DUS2: variants seen among roughly 807,000 people sequenced by gnomAD.
DUS2 encodes tRNA-dihydrouridine(20) synthase [NAD(P)+]-like.
Under a neutral mutation model 71.3 loss-of-function variants are expected in DUS2, and 52 were observed. That is an observed-to-expected ratio of 0.73 (90% CI 0.58 to 0.92). The LOEUF is 0.92. DUS2 is among the 40% of genes least tolerant of loss of function. DUS2 has a pLI of 0.00. For synonymous variants in DUS2, 204 were observed against 227.8 expected (o/e 0.90, Z 0.94); for missense variants, 558 against 622.6 (o/e 0.90, Z 1.10).
chr16:68,054,209 G>T (rs2033818896), intron 5 of DUS2, among the ~76,000 whole-genome samples: 1 of 151,744 alleles, frequency 6.6e-6, no homozygotes, highest in Non-Finnish European at 1.5e-5. Flanking sequence ...GAATCTAAAT[G>T]GTGAGTGTTT....
rs76070113 is a variant in DUS2 at position 68,078,909 on chromosome 16, G to C, written c.1405G>C (p.Ala469Pro). The C allele has an allele frequency of 2.9e-4, 465 of 1,612,424 alleles. 5 individuals are homozygous for C. The East Asian group carries it at 0.01, about 35-fold the overall frequency. ...TGGGGGCCCCAGAGCTCAGGAGCTA[G>C]CACAACCTGGGGATCTGTGCAAGAA... Reference protein sequence around the residue: ...DPGGPRAQELAQPGDLCKKPF... With the variant: ...DPGGPRAQELPQPGDLCKKPF... The change falls in exon 17 of 17, where the codon GCA becomes CCA. Residue 469 changes from alanine (A) to proline (P), a missense_variant. Physicochemically the swap from Ala to Pro is conservative, Grantham distance 27. Transcript: ENST00000565263.
chr16:68,034,156 C>T (rs2151411151), intron 2 of DUS2, among the ~76,000 whole-genome samples: 1 of 152,230 alleles, frequency 6.6e-6, no homozygotes, highest in Admixed American at 6.5e-5. Context: ...GCAACCTCTG[C>T]CTCCCAGGCT....
chr16:68,068,195 C>T (rs558300909), intron 10 of DUS2, among the ~76,000 whole-genome samples: 1 of 152,294 alleles, frequency 6.6e-6, no homozygotes, highest in South Asian at 2.1e-4. Flanking sequence ...AGTGATGTTC[C>T]TTTGGGCTTA....
intron 10 of DUS2, among the ~76,000 whole-genome samples, chr16:68,067,056 C>CTCCCTCCCTTCCTTCCT (rs1477480795): frequency 9.7e-6 from 1 of 102,682 alleles, no homozygotes; most frequent in African/African-American, 3.9e-5. Context: ...CCTTCCCTCC[C>CTCCCTCCCTTCCTTCCT]TCCCTCCCTT....
chr16:68,053,482 G>A (rs1446660750), intron 4 of DUS2, 82 bp from the exon 5 acceptor site: 9 of 1,303,768 alleles, frequency 6.9e-6, no homozygotes, highest in Admixed American at 1.7e-5. Flanking sequence ...TTATACTCTG[G>A]CTGTGTTTTC....
chr16:68,035,682 C>A (rs1355760809), intron 2 of DUS2, among the ~76,000 whole-genome samples: 2 of 149,284 alleles, frequency 1.3e-5, no homozygotes, highest in African/African-American at 2.5e-5. Flanking sequence ...AGCCACCGTG[C>A]CTGGTCTCTC....
rs1326247983 is a variant in DUS2, at chr16:68,071,001, G to A, written c.703G>A (p.Ala235Thr). ...SDIEDFRQAT[A>T]ASSVMVARAA... is the part of the protein sequence containing the mutation. Reference sequence around the variant, plus strand: ...CATAGAGGACTTTCGACAAGCCACGGCAGCCTCTTCCGTGATGGTGGCCCG... The same window carrying A: ...CATAGAGGACTTTCGACAAGCCACGACAGCCTCTTCCGTGATGGTGGCCCG... Residue 235 changes from alanine (A) to threonine (T), a missense_variant, in exon 12 of 17, where the codon GCA (alanine) becomes ACA (threonine). Ala to Thr is a moderately conservative substitution (Grantham distance 58, BLOSUM62 0). Coordinates refer to ENST00000565263, the MANE Select transcript of DUS2 (RefSeq NM_017803.5). 5.6e-6 allele frequency: 9 copies of A among 1,614,078 alleles called. No homozygotes were observed. Among genetic ancestry groups the A allele is most frequent in the Non-Finnish European group, 7.6e-6 (9 of 1,180,042 alleles).
At chr16:68,058,439 G>A (rs2033892835) in intron 7 of DUS2, among the ~76,000 whole-genome samples, 1 of 152,016 alleles carries the variant, frequency 6.6e-6, no homozygotes, top group Non-Finnish European at 1.5e-5. Flanking sequence ...TGTTAGCCAG[G>A]CTGGTCTTGA....
chr16:68,042,351 C>T (rs1034738848), intron 3 of DUS2, among the ~76,000 whole-genome samples: 2 of 152,044 alleles, frequency 1.3e-5, no homozygotes, highest in Non-Finnish European at 2.9e-5. Context: ...TCTTTGAGAC[C>T]CTGCTTTTAA....
chr16:68,076,792 T>C, intron 15 of DUS2, 73 bp downstream of exon 15: 1 of 1,392,364 alleles, frequency 7.2e-7, no homozygotes, highest in Non-Finnish European at 1.0e-6. Flanking sequence ...AACTCTAGAT[T>C]GCCAGGCTGG....
intron 6 of DUS2, 46 bp downstream of exon 6, chr16:68,054,663 A>G: frequency 6.2e-7 from 1 of 1,610,258 alleles, no homozygotes; most frequent in Non-Finnish European, 8.5e-7. Context: ...CTCTCCTTTG[A>G]GCTGTGAGGG....
At chr16:68,072,470 T>A (rs1157766390) in intron 12 of DUS2, among the ~76,000 whole-genome samples, 2 of 152,206 alleles carry the variant, frequency 1.3e-5, no homozygotes. Flanking sequence ...TGCTGAGCCA[T>A]CTCTTGGCAG....
At position 68,074,165 on chromosome 16, in the gene DUS2, A is replaced by G. The variant is rs2034126533; in HGVS notation, c.932+10A>G. The G allele has an allele frequency of 3.1e-6, 5 of 1,613,840 alleles. No individual in the cohort carries two copies. The highest frequency in any genetic ancestry group is 1.7e-5 in the Admixed American group (1 of 59,994). On this transcript the variant is annotated intron_variant, in intron 13 of 16. Coordinates refer to ENST00000565263, the MANE Select transcript of DUS2 (RefSeq NM_017803.5). ...CTTCCCGGGAAATTTGGTAAGAGGCACAATAAGATGTCCATCTGTCCTTGT... is the reference window on the plus strand; with the variant it reads ...CTTCCCGGGAAATTTGGTAAGAGGCGCAATAAGATGTCCATCTGTCCTTGT...
chr16:68,028,551 AT>A (rs2033390758), intron 2 of DUS2, among the ~76,000 whole-genome samples: 1 of 152,108 alleles, frequency 6.6e-6, no homozygotes, highest in African/African-American at 2.4e-5. Context: ...AGGCAAGAGA[AT>A]TGCTTGAACC....
At position 68,078,831 on chromosome 16, in the gene DUS2, G is replaced by A. The variant is rs745407986; in HGVS notation, c.1327G>A (p.Glu443Lys). Residue 443 changes from glutamate (E) to lysine (K), a missense_variant, in exon 17 of 17, where the codon GAG (glutamate) becomes AAG (lysine). Coordinates refer to ENST00000565263, the MANE Select transcript of DUS2 (RefSeq NM_017803.5). The stretch of plus-strand genomic sequence containing the variant: ...GGGCCTCCCTGAGGGTCGGCTGGGT[G>A]AGGAGAGCCCTTCCTTGCACAAGCG... ...SQGLPEGRLG[E>K]ESPSLHKRKR... is the part of the protein sequence containing the mutation. 3.1e-6 allele frequency: 5 copies of A among 1,613,668 alleles called. No individual in the cohort carries two copies. The South Asian group carries it at 5.5e-5, about 18-fold the overall frequency.
intron 10 of DUS2, among the ~76,000 whole-genome samples, chr16:68,068,332 G>A (rs1263640646): frequency 6.6e-6 from 1 of 152,184 alleles, no homozygotes; most frequent in African/African-American, 2.4e-5. Context: ...CCAGGAGGGA[G>A]GAGTACACAC....
intron 10 of DUS2, among the ~76,000 whole-genome samples, chr16:68,066,974 C>T (rs975540889): frequency 1.3e-5 from 2 of 151,368 alleles, no homozygotes; most frequent in Non-Finnish European, 2.9e-5. Context: ...GCAGCCAGTA[C>T]GTGGTGGAAT....
chr16:68,025,917 C>T (rs536641884), intron 2 of DUS2, among the ~76,000 whole-genome samples: 22 of 152,266 alleles, frequency 1.4e-4, no homozygotes, highest in Admixed American at 9.8e-4. Flanking sequence ...CTGAGCACCA[C>T]GCATGTGCCA....
intron 15 of DUS2, chr16:68,077,220 C>T (rs2034171094): frequency 6.6e-6 from 1 of 151,986 alleles, no homozygotes; most frequent in Non-Finnish European, 1.5e-5. Context: ...CCACTGCACT[C>T]CAGCCTGTCT....
Sources: gnomAD v4.1 joint callset for allele counts (sites outside exome capture counted in the v4.1 genomes callset) on GRCh38, gnomAD v4.1.1 for gene constraint, MANE v1.5 for transcripts, NCBI Gene and HGNC (gene_info 2026-07-23, HGNC 2026-07-21) for gene names.